MAP4K3: variants seen among roughly 807,000 people sequenced by gnomAD.
The protein encoded by MAP4K3 is MAPK/ERK kinase kinase kinase 3.
MAP4K3 carries 94 observed loss-of-function variants against 143.5 expected under a neutral mutation model. The observed-to-expected ratio is 0.65, with a 90% CI of 0.55 to 0.78. MAP4K3 has a LOEUF of 0.78. Among genes scored for constraint, MAP4K3 ranks in the 30% least tolerant of loss-of-function variants. The pLI is 0.00. For missense variants in MAP4K3, 1,077 were observed against 1,068.1 expected (o/e 1.01, Z -0.12); for synonymous variants, 416 against 347.2 (o/e 1.20, Z -2.20).
At chr2:39,418,574 T>C (rs1667456730) in intron 1 of MAP4K3, among the ~76,000 whole-genome samples, 1 of 152,106 alleles carries the variant, frequency 6.6e-6, no homozygotes, top group Admixed American at 6.5e-5. Flanking sequence ...TGCAGAAACC[T>C]GGTTAACTAA....
intron 23 of MAP4K3, among the ~76,000 whole-genome samples, chr2:39,279,140 C>G (rs974256066): frequency 1.3e-5 from 2 of 152,082 alleles, no homozygotes; most frequent in Middle Eastern, 3.2e-3. Context: ...TCCAAGCAGG[C>G]AACTTGAAGA....
At chr2:39,362,611 G>T (rs1040795096) in intron 2 of MAP4K3, among the ~76,000 whole-genome samples, 1 of 152,194 alleles carries the variant, frequency 6.6e-6, no homozygotes, top group African/African-American at 2.4e-5. Flanking sequence ...TTGTTAAAAT[G>T]TTCGTACTAC....
chr2:39,276,797 T>TC (rs1681272039), intron 24 of MAP4K3, among the ~76,000 whole-genome samples: 1 of 151,996 alleles, frequency 6.6e-6, no homozygotes, highest in Non-Finnish European at 1.5e-5. Context: ...TGATAAAAGC[T>TC]CCCCCCACTC....
Position 39,325,753 on chromosome 2 carries a change from G to T in MAP4K3, c.784C>A (p.Pro262Thr). The T allele has an allele frequency of 6.2e-7, 1 of 1,609,512 alleles. No homozygotes were observed. ...MALTKNPKKR[P>T]TAEKLLQHPF... is the part of the protein sequence containing the mutation. ...ACCTGTAATAATTTTTCAGCAGTAG[G>T]TCTTTTTTTCGGATTTTTGGTAAGT... The change falls in exon 11 of 34, where the codon CCT (proline) becomes ACT (threonine). Residue 262 changes from proline (P) to threonine (T), a missense_variant. Physicochemically the swap from Pro to Thr is conservative, Grantham distance 38. Transcript: ENST00000263881.
intron 3 of MAP4K3, among the ~76,000 whole-genome samples, chr2:39,345,921 CAAAAAAA>C (rs66729858): frequency 3.2e-4 from 5 of 15,842 alleles, no homozygotes; most frequent in African/African-American, 4.1e-4. Flanking sequence ...GACTCTGTCT[CAAAAAAA>C]AAAAAAAAAA....
intron 1 of MAP4K3, among the ~76,000 whole-genome samples, chr2:39,404,291 T>C (rs1485733557): frequency 6.6e-6 from 1 of 152,088 alleles, no homozygotes; most frequent in Non-Finnish European, 1.5e-5. Flanking sequence ...TCCCTGATTC[T>C]AGGCCTTGGC....
At position 39,422,342 on chromosome 2, in the gene MAP4K3, T is replaced by C. The variant is rs1047829043; in HGVS notation, c.96+14550A>G. 2.0e-5 allele frequency among the ~76,000 whole-genome samples: 3 copies of C among 152,164 alleles called. No individual in the cohort carries two copies. The South Asian group carries it at 6.2e-4, about 32-fold the overall frequency. On this transcript the variant is annotated intron_variant, in intron 1 of 33. Transcript: ENST00000263881. ...TCCCAGTCCTTATCTCCCCTAGTTC[T>C]CTGCTATATATCTGACTCCAAATTA...
At chr2:39,420,890 T>C (rs924483270) in intron 1 of MAP4K3, among the ~76,000 whole-genome samples, 1 of 152,164 alleles carries the variant, frequency 6.6e-6, no homozygotes, top group African/African-American at 2.4e-5. Flanking sequence ...AATCTGCTAG[T>C]CTATAGACAT....
chr2:39,333,140 GT>G (rs1343787102), intron 7 of MAP4K3, among the ~76,000 whole-genome samples: 1 of 152,034 alleles, frequency 6.6e-6, no homozygotes, highest in Non-Finnish European at 1.5e-5. Context: ...AAGTAATGCT[GT>G]ATTTTATTTT....
chr2:39,405,703 A>G (rs972820242), intron 1 of MAP4K3, among the ~76,000 whole-genome samples: 6 of 152,118 alleles, frequency 3.9e-5, no homozygotes, highest in Non-Finnish European at 7.4e-5. Flanking sequence ...TGCCGTGTCT[A>G]CAAAAAATAC....
chr2:39,342,490 TTTTCTTTA>T (rs1468282607), intron 4 of MAP4K3, among the ~76,000 whole-genome samples: 1 of 152,330 alleles, frequency 6.6e-6, no homozygotes, highest in East Asian at 1.9e-4. Flanking sequence ...AAGTAGCTTA[TTTTCTTTA>T]TTAAGTTTTC....
intron 19 of MAP4K3, among the ~76,000 whole-genome samples, chr2:39,289,477 C>T (rs912761285): frequency 1.4e-4 from 21 of 151,538 alleles, no homozygotes; most frequent in Middle Eastern, 3.2e-3. Flanking sequence ...GCTCATTTTA[C>T]CTTTAAAAAA....
chr2:39,419,629 C>T (rs1307389309), intron 1 of MAP4K3, among the ~76,000 whole-genome samples: 1 of 152,130 alleles, frequency 6.6e-6, no homozygotes, highest in Non-Finnish European at 1.5e-5. Context: ...AATAAAATCT[C>T]AACATTCCAA....
intron 24 of MAP4K3, among the ~76,000 whole-genome samples, chr2:39,272,788 C>T (rs1681084189): frequency 6.6e-6 from 1 of 152,126 alleles, no homozygotes; most frequent in African/African-American, 2.4e-5. Flanking sequence ...TCAAGTCTCC[C>T]TTATGATTAA....
At chr2:39,373,104 C>A (rs1223544527) in intron 2 of MAP4K3, among the ~76,000 whole-genome samples, 1 of 152,052 alleles carries the variant, frequency 6.6e-6, no homozygotes, top group Non-Finnish European at 1.5e-5. Flanking sequence ...GAAAAAAACC[C>A]TAATTCAATT....
chr2:39,418,767 T>A (rs1181031245), intron 1 of MAP4K3, among the ~76,000 whole-genome samples: 1 of 152,072 alleles, frequency 6.6e-6, no homozygotes, highest in Non-Finnish European at 1.5e-5. Context: ...AGAAACACTC[T>A]ACAAAACATT....
At chr2:39,265,367 G>C (rs1284506802) in intron 27 of MAP4K3, 61 bp from the exon 28 acceptor site, 1 of 1,001,616 alleles carries the variant, frequency 1.0e-6, no homozygotes, top group South Asian at 1.3e-5. Flanking sequence ...GACAATAATT[G>C]CATGCTCAAA....
intron 1 of MAP4K3, among the ~76,000 whole-genome samples, chr2:39,413,686 G>A (rs551741922): frequency 1.3e-5 from 2 of 151,940 alleles, no homozygotes; most frequent in Admixed American, 1.3e-4. Context: ...GACCAGGGTA[G>A]AGGTGGGCCC....
intron 2 of MAP4K3, among the ~76,000 whole-genome samples, chr2:39,358,609 G>A (rs1665678114): frequency 6.6e-6 from 1 of 152,040 alleles, no homozygotes; most frequent in South Asian, 2.1e-4. Context: ...TGTGAGAATG[G>A]TCAAATTAAA....
Sources: gnomAD v4.1 joint callset for allele counts (sites outside exome capture counted in the v4.1 genomes callset) on GRCh38, gnomAD v4.1.1 for gene constraint, MANE v1.5 for transcripts, NCBI Gene and HGNC (gene_info 2026-07-23, HGNC 2026-07-21) for gene names.